The following CDC42BPB variants were observed in gnomAD, a reference collection of about 807,000 sequenced individuals.
CDC42BPB encodes CDC42 binding protein kinase beta.
In CDC42BPB, 37 loss-of-function variants were observed where a neutral mutation model predicts 214.9. The ratio of observed to expected loss-of-function variants is 0.17; its 90% CI spans 0.13 to 0.23. The LOEUF (loss-of-function observed/expected upper bound fraction) is 0.23, where lower values mean the gene tolerates loss of function less well. Ranked by LOEUF, CDC42BPB falls within the 10% of genes least tolerant of loss-of-function variation. The pLI, the probability that CDC42BPB is intolerant of heterozygous loss-of-function variation, is 1.00. For synonymous variants in CDC42BPB, 931 were observed against 884.0 expected (o/e 1.05, Z -0.94); for missense variants, 1,694 against 2,227.0 (o/e 0.76, Z 4.82).
chr14:102,949,111 A>T (rs1227717171), intron 26 of CDC42BPB, among the ~76,000 whole-genome samples: 1 of 152,230 alleles, frequency 6.6e-6, no homozygotes, highest in Non-Finnish European at 1.5e-5. Flanking sequence ...CAAAGGCAGT[A>T]GCATGGCTCC....
At chr14:103,040,745 A>C (rs562813970) in intron 1 of CDC42BPB, among the ~76,000 whole-genome samples, 2 of 152,324 alleles carry the variant, frequency 1.3e-5, no homozygotes, top group Admixed American at 6.5e-5. Context: ...GGCGTGAGCC[A>C]CCATAGCCAT....
chr14:102,978,270 G>C (rs1207642454), intron 8 of CDC42BPB, 65 bp from the exon 9 acceptor site: 1 of 1,600,700 alleles, frequency 6.2e-7, no homozygotes, highest in Non-Finnish European at 8.5e-7. Flanking sequence ...AAAGAGGAAA[G>C]ATGGTTACAG....
chr14:102,949,161 C>T (rs1026820049), intron 26 of CDC42BPB, among the ~76,000 whole-genome samples: 2 of 152,190 alleles, frequency 1.3e-5, no homozygotes, highest in African/African-American at 4.8e-5. Context: ...CTTAGTGATG[C>T]GTTTACCTTC....
At position 102,954,730 on chromosome 14, in the gene CDC42BPB, T is replaced by C. The variant is rs1472862429; in HGVS notation, c.2902-42A>G. Reference sequence around the variant, plus strand: ...AGAAAGAGTGGGGTGAAAGGACATATTCTACATGATCCAGACTCTACTTAC... The same window carrying C: ...AGAAAGAGTGGGGTGAAAGGACATACTCTACATGATCCAGACTCTACTTAC... On this transcript the variant is annotated intron_variant, in intron 21 of 36. Coordinates refer to ENST00000361246, the MANE Select transcript of CDC42BPB (RefSeq NM_006035.4). 5 of 1,586,858 alleles carry C rather than the reference T, an allele frequency of 3.2e-6. No homozygotes were observed. In the African/African-American group the frequency reaches 4.0e-5, roughly 13 times the overall value.
At chr14:103,044,880 A>T (rs1473373747) in intron 1 of CDC42BPB, among the ~76,000 whole-genome samples, 3 of 151,682 alleles carry the variant, frequency 2.0e-5, no homozygotes, top group Non-Finnish European at 2.9e-5. Flanking sequence ...ATAGTAAAGC[A>T]TCAGTAGAAA....
At chr14:102,964,324 A>G (rs1327534852) in intron 19 of CDC42BPB, among the ~76,000 whole-genome samples, 178 bp downstream of exon 19, 1 of 152,212 alleles carries the variant, frequency 6.6e-6, no homozygotes, top group African/African-American at 2.4e-5. Flanking sequence ...TCAGTGCCAG[A>G]ACGGCCTGCT....
At position 102,940,241 on chromosome 14, in the gene CDC42BPB, T is replaced by C; in HGVS notation, c.4492A>G (p.Ile1498Val). 1 of 1,601,960 alleles carries C rather than the reference T, an allele frequency of 6.2e-7. No individual in the cohort carries two copies. Among genetic ancestry groups the C allele is most frequent in the Non-Finnish European group, 8.5e-7 (1 of 1,174,404 alleles). ...GGCCGCCTTACCCTCCGCAGGCCGA[T>C]GGTCTGCACCCACTCCATGGTGCGC... ...DVRTMEWVQT[I>V]GLRRIRPLNS... Residue 1498 changes from isoleucine to valine, a missense_variant, in exon 31 of 37, where the codon ATC becomes GTC. Coordinates refer to ENST00000361246, the MANE Select transcript of CDC42BPB (RefSeq NM_006035.4).
chr14:103,014,206 G>A (rs1595146865), intron 1 of CDC42BPB, among the ~76,000 whole-genome samples: 1 of 150,322 alleles, frequency 6.7e-6, no homozygotes, highest in African/African-American at 2.4e-5. Flanking sequence ...GAGAGGTCAG[G>A]TCAACTCTTC....
At position 102,959,636 on chromosome 14, in the gene CDC42BPB, A is replaced by G; in HGVS notation, c.2896T>C (p.Phe966Leu). The G allele has an allele frequency of 6.2e-7, 1 of 1,600,988 alleles. No individual in the cohort carries two copies. The highest frequency in any genetic ancestry group is 8.5e-7 in the Non-Finnish European group (1 of 1,172,162). ...NTAPLAHDLT[F>L]RTSSASEQET... ...AAAAAAAAACAATGACTTACTCTAA[A>G]TGTCAGGTCATGTGCAAGAGGAGCA... Residue 966 changes from phenylalanine to leucine, a missense_variant, in exon 21 of 37, where the codon TTT (phenylalanine) becomes CTT (leucine). Physicochemically the swap from Phe to Leu is conservative, Grantham distance 22. Coordinates refer to ENST00000361246, the MANE Select transcript of CDC42BPB (RefSeq NM_006035.4).
In CDC42BPB at chr14:102,945,674, C is replaced by T; in HGVS notation, c.3799G>A (p.Val1267Ile). 1 of 1,612,766 alleles carries T rather than the reference C, an allele frequency of 6.2e-7. No individual in the cohort carries two copies. The highest frequency in any genetic ancestry group is 8.5e-7 in the Non-Finnish European group (1 of 1,179,806). Residue 1267 changes from valine to isoleucine, a missense_variant, in exon 29 of 37, where the codon GTC (valine) becomes ATC (isoleucine). Coordinates refer to ENST00000361246, the MANE Select transcript of CDC42BPB (RefSeq NM_006035.4). ...GLEEGLYVIE[V>I]TRDVIVRAAD... ...CCTGCTCACTCACCATCTCGGGTGA[C>T]CTCTATGACATAGAGCCCTTCTTCT...
At chr14:102,995,179 CT>C (rs952254612) in intron 5 of CDC42BPB, among the ~76,000 whole-genome samples, 181 of 145,422 alleles carry the variant, frequency 1.2e-3, no homozygotes, top group East Asian at 2.2e-3. Context: ...CTCTCTCTCT[CT>C]TTTTTTTTTT....
At chr14:102,945,574 A>T in intron 29 of CDC42BPB, 88 bp downstream of exon 29, 1 of 1,225,246 alleles carries the variant, frequency 8.2e-7, no homozygotes, top group Non-Finnish European at 1.2e-6. Context: ...CATTTGTCTT[A>T]ACCCTTAGGA....
chr14:102,933,589 T>A lies in CDC42BPB; in HGVS notation c.*123A>T. 1 of 763,756 alleles carries A rather than the reference T, an allele frequency of 1.3e-6. No homozygotes were observed. Among genetic ancestry groups the A allele is most frequent in the Non-Finnish European group, 1.9e-6 (1 of 526,150 alleles). 47.3% of individuals were successfully genotyped at this position (763,756 alleles called of 1,614,324 possible). A position where few individuals can be genotyped will look rare whatever the true frequency, so the allele number is the denominator to read the frequency against. On this transcript the variant is annotated 3_prime_UTR_variant, in exon 37 of 37. Transcript: ENST00000361246. Reference sequence around the variant, plus strand: ...ATATTATAATAAAGATTTGTCTTCTTCATCTCCATATCTACAAAGTGATTC... The same window carrying A: ...ATATTATAATAAAGATTTGTCTTCTACATCTCCATATCTACAAAGTGATTC...
chr14:102,935,977 G>A (rs1891632197), intron 36 of CDC42BPB, among the ~76,000 whole-genome samples: 1 of 152,144 alleles, frequency 6.6e-6, no homozygotes, highest in Non-Finnish European at 1.5e-5. Flanking sequence ...AGAAGGTACG[G>A]AAATGGCCAA....
chr14:102,992,304 C>T (rs774893580), intron 5 of CDC42BPB, among the ~76,000 whole-genome samples: 11 of 152,170 alleles, frequency 7.2e-5, no homozygotes, highest in Admixed American at 2.0e-4. Flanking sequence ...TTTAAAGTTA[C>T]AAAAAGCCCT....
At position 103,038,856 on chromosome 14, in the gene CDC42BPB, T is replaced by A. The variant is rs1485628841; in HGVS notation, c.175+18143A>T. ...TTATTATGGTAAAATATACGTAACA[T>A]AAAATGTACAATTTTAACCGTTTTT... On this transcript the variant is annotated intron_variant, in intron 1 of 36. Transcript: ENST00000361246. 3.3e-5 allele frequency among the ~76,000 whole-genome samples: 5 copies of A among 151,400 alleles called. No individual in the cohort carries two copies. The East Asian group carries it at 9.7e-4, about 29-fold the overall frequency.
At chr14:102,962,770 T>C (rs1165825083) in intron 20 of CDC42BPB, among the ~76,000 whole-genome samples, 1 of 152,172 alleles carries the variant, frequency 6.6e-6, no homozygotes, top group Non-Finnish European at 1.5e-5. Flanking sequence ...GGAGAATCCT[T>C]GAACCCAGGA....
intron 1 of CDC42BPB, among the ~76,000 whole-genome samples, chr14:103,020,394 G>A (rs962786505): frequency 2.6e-5 from 4 of 152,186 alleles, no homozygotes; most frequent in African/African-American, 7.2e-5. Flanking sequence ...GTCCCTTCAA[G>A]AGATGGCAGG....
chr14:103,056,910 CCGGGCGGGGATGGG>C (rs1347855268), intron 1 of CDC42BPB, 75 bp downstream of exon 1: 1 of 964,482 alleles, frequency 1.0e-6, no homozygotes, highest in Admixed American at 4.2e-5. Context: ...CAGGGTCTGT[CCGGGCGGGGATGGG>C]CGGGCGTGGG....
Sources: allele counts gnomAD v4.1 joint callset (sites outside exome capture counted in the v4.1 genomes callset), GRCh38; gene constraint gnomAD v4.1.1; transcripts MANE v1.5; gene names NCBI Gene and HGNC (gene_info 2026-07-23, HGNC 2026-07-21).